Variants in DLG2 observed in about 807,000 individuals in gnomAD.
DLG2 encodes the protein discs large MAGUK scaffold protein 2, also known as disks large homolog 2.
In DLG2, 45 loss-of-function variants were observed where a neutral mutation model predicts 132.5. The ratio of observed to expected loss-of-function variants is 0.34; its 90% CI spans 0.27 to 0.44. The LOEUF (loss-of-function observed/expected upper bound fraction) is 0.44. Ranked by LOEUF, DLG2 falls within the 20% of genes least tolerant of loss-of-function variation. DLG2 has a pLI of 1.00. For synonymous variants in DLG2, 424 were observed against 419.6 expected (o/e 1.01, Z -0.13); for missense variants, 1,045 against 1,196.9 (o/e 0.87, Z 1.87).
intron 3 of DLG2, among the ~76,000 whole-genome samples, chr11:85,519,038 G>A (rs2094225036): frequency 6.6e-6 from 1 of 152,182 alleles, no homozygotes; most frequent in South Asian, 2.1e-4. Flanking sequence ...GAAACACCCG[G>A]ATACCGAGAC....
intron 7 of DLG2, among the ~76,000 whole-genome samples, chr11:84,369,346 G>A (rs1185089756): frequency 1.3e-5 from 2 of 152,086 alleles, no homozygotes; most frequent in Admixed American, 6.6e-5. Context: ...ATAAGTTCCT[G>A]TAAGTTATTC....
intron 5 of DLG2, among the ~76,000 whole-genome samples, chr11:85,137,477 C>T (rs766645855): frequency 5.9e-5 from 9 of 152,108 alleles, no homozygotes; most frequent in African/African-American, 7.2e-5. Flanking sequence ...ATCCTGAAAT[C>T]GTTTCTGTCC....
chr11:84,793,791 G>C lies in DLG2; in HGVS notation c.358-259060C>G, dbSNP rs78463329. Among the ~76,000 whole-genome samples, 1,060 of 152,152 alleles carry C rather than the reference G, an allele frequency of 7.0e-3. 10 individuals are homozygous for C. Among genetic ancestry groups the C allele is most frequent in the Middle Eastern group, 0.017 (5 of 294 alleles). On this transcript the variant is annotated intron_variant, in intron 6 of 27. Coordinates refer to ENST00000376104, the MANE Select transcript of DLG2 (RefSeq NM_001142699.3). ...TATTTTTATTCTATGTGTTTCTTTA[G>C]AAAGGAAGTGTGTTTCTTATAGGGA...
intron 6 of DLG2, among the ~76,000 whole-genome samples, chr11:84,585,615 T>C (rs2099527792): frequency 6.6e-6 from 1 of 152,258 alleles, no homozygotes; most frequent in Admixed American, 6.5e-5. Flanking sequence ...TTTATTATAC[T>C]GAATATTTAT....
chr11:84,891,729 G>A (rs2089427239), intron 6 of DLG2, among the ~76,000 whole-genome samples: 1 of 152,040 alleles, frequency 6.6e-6, no homozygotes, highest in Non-Finnish European at 1.5e-5. Flanking sequence ...ATATATTTTG[G>A]ACCCAGAGTT....
intron 4 of DLG2, among the ~76,000 whole-genome samples, chr11:85,158,169 A>C (rs2077729997): frequency 6.6e-6 from 1 of 152,178 alleles, no homozygotes; most frequent in African/African-American, 2.4e-5. Flanking sequence ...TAATTTATAT[A>C]AACAGAAATC....
chr11:84,844,133 GTGTATATATATATATATA>G (rs1264701777), intron 6 of DLG2, among the ~76,000 whole-genome samples: 8 of 25,992 alleles, frequency 3.1e-4, no homozygotes, highest in African/African-American at 9.5e-4. Context: ...GTGTGTGTGT[GTGTATATATATATATATA>G]TATATATATA....
chr11:83,957,700 C>T (rs914372494), intron 14 of DLG2, among the ~76,000 whole-genome samples: 14 of 152,062 alleles, frequency 9.2e-5, no homozygotes, highest in African/African-American at 3.4e-4. Context: ...CTTATCTAAC[C>T]TAATTTTCTG....
chr11:83,899,177 T>C (rs12277476), intron 15 of DLG2, among the ~76,000 whole-genome samples: 14,700 of 152,150 alleles, frequency 0.097, 872 homozygotes, highest in Middle Eastern at 0.2. Flanking sequence ...GAAATTAGCC[T>C]ATCAAGGGCA....
chr11:85,121,680 T>C (rs1336597436), intron 5 of DLG2, among the ~76,000 whole-genome samples: 1 of 152,130 alleles, frequency 6.6e-6, no homozygotes, highest in Admixed American at 6.6e-5. Context: ...ATTAGTCCAT[T>C]TCTTTTATAC....
chr11:83,724,711 G>A, intron 18 of DLG2: 2 of 616,196 alleles, frequency 3.2e-6, no homozygotes, highest in South Asian at 1.9e-5. Context: ...CCTGCAAGCA[G>A]TGGCTACTAA....
At chr11:85,354,696 C>T (rs1383852928) in intron 3 of DLG2, among the ~76,000 whole-genome samples, 1 of 151,882 alleles carries the variant, frequency 6.6e-6, no homozygotes, top group East Asian at 1.9e-4. Context: ...TTACCAGGAG[C>T]ACCACATTTG....
chr11:83,903,963 A>G (rs1411704832), intron 15 of DLG2, among the ~76,000 whole-genome samples: 2 of 152,230 alleles, frequency 1.3e-5, no homozygotes, highest in African/African-American at 4.8e-5. Context: ...TAAATTAGAC[A>G]CAGTAAGATA....
intron 17 of DLG2, among the ~76,000 whole-genome samples, chr11:83,824,769 G>C (rs1249955938): frequency 6.6e-6 from 1 of 151,986 alleles, no homozygotes; most frequent in African/African-American, 2.4e-5. Context: ...GTGTTTTACT[G>C]GTGCACTGAG....
rs940141124 is a variant in DLG2, at chr11:85,105,688, C to T, written c.357+5973G>A. Among the ~76,000 whole-genome samples, 8 of 151,830 alleles carry T rather than the reference C, an allele frequency of 5.3e-5. No homozygotes were observed. In the East Asian group the frequency reaches 5.8e-4, roughly 11 times the overall value. ...TGATTATCTGATAATATCCTGGCTT[C>T]GATTTATAAGAGGACTGCTGATAGC... is the stretch of plus-strand genomic sequence containing the variant. On this transcript the variant is annotated intron_variant, in intron 6 of 27. Coordinates refer to ENST00000376104, the MANE Select transcript of DLG2 (RefSeq NM_001142699.3).
At chr11:84,882,818 G>A (rs996530299) in intron 6 of DLG2, among the ~76,000 whole-genome samples, 1 of 151,978 alleles carries the variant, frequency 6.6e-6, no homozygotes, top group Admixed American at 6.6e-5. Context: ...TTCTGTAGTA[G>A]AATTTTCAAC....
chr11:84,127,518 T>TAGGAGATAG (rs2094230790), intron 9 of DLG2, among the ~76,000 whole-genome samples: 4 of 152,218 alleles, frequency 2.6e-5, no homozygotes, highest in Non-Finnish European at 5.9e-5. Flanking sequence ...GTTCCATGTC[T>TAGGAGATAG]ATCTCCTAAC....
chr11:84,098,283 T>A (rs2097194763), intron 10 of DLG2, among the ~76,000 whole-genome samples: 2 of 152,010 alleles, frequency 1.3e-5, no homozygotes, highest in Admixed American at 6.6e-5. Flanking sequence ...AAGTGATCCA[T>A]CTGCCTTGGC....
At chr11:84,811,998 G>A (rs1393285074) in intron 6 of DLG2, among the ~76,000 whole-genome samples, 1 of 152,042 alleles carries the variant, frequency 6.6e-6, no homozygotes, top group East Asian at 1.9e-4. Flanking sequence ...CATGGCCCCA[G>A]AACTGAGCTT....
Sources: allele counts gnomAD v4.1 joint callset (sites outside exome capture counted in the v4.1 genomes callset), GRCh38; gene constraint gnomAD v4.1.1; transcripts MANE v1.5; gene names NCBI Gene and HGNC (gene_info 2026-07-23, HGNC 2026-07-21).